PDE1A: variants seen among roughly 807,000 people sequenced by gnomAD.
The protein encoded by PDE1A is dual specificity calcium/calmodulin-dependent 3',5'-cyclic nucleotide phosphodiesterase 1A.
In PDE1A, 35 loss-of-function variants were observed where a neutral mutation model predicts 61.7. The ratio of observed to expected loss-of-function variants is 0.57; its 90% CI spans 0.43 to 0.75. The LOEUF is 0.75. PDE1A is among the 30% of genes least tolerant of loss of function. The probability of loss-of-function intolerance (pLI) is 0.00; values close to 1 mark genes in which losing one functional copy is unlikely to be tolerated. For synonymous variants in PDE1A, 232 were observed against 213.2 expected, an observed-to-expected ratio of 1.09 and a Z score of -0.77; for missense variants, 597 against 630.6, an observed-to-expected ratio of 0.95 and a Z score of 0.57.
chr2:182,426,987 T>C lies in PDE1A; in HGVS notation c.-357A>G. ...TCATCCAGGTAGGAACTCCCTAAGT[T>C]ATTGCAGCCATGAGAGCTCTCCTTC... On this transcript the variant is annotated 5_prime_UTR_variant, in exon 1 of 14. It adds an upstream start codon to the 5' untranslated region. Transcript: ENST00000351439. The C allele has an allele frequency of 4.0e-6, 4 of 1,012,204 alleles. No individual in the cohort carries two copies. Among genetic ancestry groups the C allele is most frequent in the Non-Finnish European group, 4.7e-6 (4 of 847,956 alleles). The allele number at this position is 1,012,204 out of a possible 1,614,324, so 62.7% of individuals were successfully genotyped here.
chr2:182,362,832 T>C (rs577381607), intron 1 of PDE1A, among the ~76,000 whole-genome samples: 2 of 152,160 alleles, frequency 1.3e-5, no homozygotes, highest in South Asian at 4.1e-4. Flanking sequence ...CCATCAATGA[T>C]AGACTGGATA....
the PDE1A span, among the ~76,000 whole-genome samples, chr2:182,560,838 G>A: frequency 6.6e-6 from 1 of 152,068 alleles, no homozygotes; most frequent in African/African-American, 2.4e-5. Context: ...TTTTTCATGT[G>A]TTTTTTGGCT....
chr2:182,665,425 T>C, the PDE1A span, among the ~76,000 whole-genome samples: 1 of 152,034 alleles, frequency 6.6e-6, no homozygotes, highest in Non-Finnish European at 1.5e-5. Flanking sequence ...AACAGACCCT[T>C]CTCAGAAGAC....
At chr2:182,359,850 G>C (rs1353815601) in intron 1 of PDE1A, among the ~76,000 whole-genome samples, 1 of 152,110 alleles carries the variant, frequency 6.6e-6, no homozygotes, top group African/African-American at 2.4e-5. Context: ...AGCCGGCAAA[G>C]AAGGGCAGGC....
intron 1 of PDE1A, among the ~76,000 whole-genome samples, chr2:182,333,110 A>G (rs2196695): frequency 0.94 from 143,656 of 152,196 alleles, 68,352 homozygotes; most frequent in East Asian, 1. Flanking sequence ...AAGAGATGTA[A>G]ACTCCCACAC....
chr2:182,234,483 T>C, exon 4 of PDE1A: 12 of 1,601,944 alleles, frequency 7.5e-6, no homozygotes, highest in Non-Finnish European at 1.0e-5. Flanking sequence ...CCATATGATA[T>C]GTTTTTCGGT....
At chr2:182,557,087 G>A in the PDE1A span, among the ~76,000 whole-genome samples, 6 of 152,164 alleles carry the variant, frequency 3.9e-5, no homozygotes, top group Non-Finnish European at 8.8e-5. Flanking sequence ...CTGAGGTCAG[G>A]AGTTCAAGAC....
intron 1 of PDE1A, among the ~76,000 whole-genome samples, chr2:182,417,529 T>C (rs1267068709): frequency 2.0e-5 from 3 of 152,194 alleles, no homozygotes; most frequent in African/African-American, 7.2e-5. Flanking sequence ...TTTGTCTCTG[T>C]TCTATATCCT....
At chr2:182,219,488 G>T (rs1349509637) in intron 7 of PDE1A, among the ~76,000 whole-genome samples, 1 of 152,030 alleles carries the variant, frequency 6.6e-6, no homozygotes, top group African/African-American at 2.4e-5. Flanking sequence ...CTCTTAAAAT[G>T]GTGAACTCGT....
At chr2:182,704,479 T>TA in the PDE1A span, among the ~76,000 whole-genome samples, 1 of 152,210 alleles carries the variant, frequency 6.6e-6, no homozygotes, top group South Asian at 2.1e-4. Flanking sequence ...AAAATCTAAA[T>TA]ATACGATTCT....
the PDE1A span, among the ~76,000 whole-genome samples, chr2:182,643,491 C>G: frequency 2.0e-5 from 3 of 152,104 alleles, no homozygotes; most frequent in Non-Finnish European, 2.9e-5. Context: ...AGCTTCCTGC[C>G]CAACCGTTAT....
chr2:182,682,854 T>A, the PDE1A span, among the ~76,000 whole-genome samples: 1 of 152,254 alleles, frequency 6.6e-6, no homozygotes, highest in South Asian at 2.1e-4. Context: ...AACACAACCT[T>A]ATCAGATAAG....
chr2:182,619,902 C>T, the PDE1A span, among the ~76,000 whole-genome samples: 2 of 152,112 alleles, frequency 1.3e-5, no homozygotes, highest in Non-Finnish European at 2.9e-5. Flanking sequence ...AAGGCAGAAG[C>T]GCAAGAGAAC....
the PDE1A span, among the ~76,000 whole-genome samples, chr2:182,713,448 T>C: frequency 6.6e-6 from 1 of 152,138 alleles, no homozygotes; most frequent in Non-Finnish European, 1.5e-5. Flanking sequence ...CTGACCAATA[T>C]GATGAAACCT....
intron 1 of PDE1A, among the ~76,000 whole-genome samples, chr2:182,294,181 G>T (rs966518460): frequency 6.6e-6 from 1 of 152,164 alleles, no homozygotes; most frequent in African/African-American, 2.4e-5. Flanking sequence ...TTGGAGAGCA[G>T]CTGACCACAC....
At chr2:182,341,953 G>C (rs1370550953) in intron 1 of PDE1A, among the ~76,000 whole-genome samples, 1 of 151,958 alleles carries the variant, frequency 6.6e-6, no homozygotes, top group African/African-American at 2.4e-5. Context: ...ATTTATTGTA[G>C]AGACCAGGCC....
At chr2:182,165,936 G>A (rs1195085673), downstream of PDE1A, among the ~76,000 whole-genome samples, 4 of 152,218 alleles carry the variant, frequency 2.6e-5, no homozygotes, top group Non-Finnish European at 5.9e-5. Context: ...GATTTGAGTT[G>A]CAGGAGATCA....
exon 11 of PDE1A, chr2:182,189,027 A>G: frequency 6.2e-7 from 1 of 1,612,760 alleles, no homozygotes; most frequent in Non-Finnish European, 8.5e-7. Context: ...CAAAGTGGGG[A>G]AAATGGAAGC....
the PDE1A span, among the ~76,000 whole-genome samples, chr2:182,710,511 C>G: frequency 6.6e-6 from 1 of 152,294 alleles, no homozygotes; most frequent in Non-Finnish European, 1.5e-5. Flanking sequence ...CTCTCCTTTT[C>G]CCCTCCACCA....
Sources: allele counts gnomAD v4.1 joint callset (sites outside exome capture counted in the v4.1 genomes callset), GRCh38; gene constraint gnomAD v4.1.1; transcripts MANE v1.5; gene names NCBI Gene and HGNC (gene_info 2026-07-23, HGNC 2026-07-21).